The following DRC3 variants were observed in gnomAD, a reference collection of about 807,000 sequenced individuals.
The protein encoded by DRC3 is leucine rich repeat containing 48.
A neutral mutation model predicts 57.6 loss-of-function variants in DRC3; 45 were observed. The observed-to-expected ratio is 0.78, with a 90% CI of 0.62 to 1.00. The LOEUF is 1.00. Among genes scored for constraint, DRC3 ranks in the 50% least tolerant of loss-of-function variants. The probability of loss-of-function intolerance (pLI) is 0.00; values close to 1 mark genes in which losing one functional copy is unlikely to be tolerated. For missense variants in DRC3, 655 were observed against 675.2 expected (o/e 0.97, Z 0.33); for synonymous variants, 257 against 272.3 (o/e 0.94, Z 0.55).
At chr17:17,989,803 C>T (rs2043142021) in intron 5 of DRC3, among the ~76,000 whole-genome samples, 1 of 152,178 alleles carries the variant, frequency 6.6e-6, no homozygotes, top group Non-Finnish European at 1.5e-5. Flanking sequence ...GGCTTTTGGG[C>T]TGGGTGGGCT....
Position 18,016,142 on chromosome 17 carries a change from G to C in DRC3, c.1405G>C (p.Glu469Gln), listed in dbSNP as rs1367614474. 6.2e-7 allele frequency: 1 copy of C among 1,614,006 alleles called. No individual in the cohort carries two copies. Among genetic ancestry groups the C allele is most frequent in the Admixed American group, 1.7e-5 (1 of 60,020 alleles). The change falls in exon 13 of 14, where the codon GAA becomes CAA. Residue 469 changes from glutamate to glutamine, a missense_variant. Coordinates refer to ENST00000399187, the MANE Select transcript of DRC3 (RefSeq NM_031294.4). Reference protein sequence around the residue: ...DIHLLKIDNREDELVTRINSW... With the variant: ...DIHLLKIDNRQDELVTRINSW... ...CCACCTCCTGAAGATTGACAATCGAGAAGATGAGCTGGTGACCAGAATCAA... is the reference window on the plus strand; with the variant it reads ...CCACCTCCTGAAGATTGACAATCGACAAGATGAGCTGGTGACCAGAATCAA...
Position 17,977,775 on chromosome 17 carries a change from C to A in DRC3, c.160+17C>A. On this transcript the variant is annotated intron_variant, in intron 3 of 13. Transcript: ENST00000399187. ...ACTTTCGGAGTATGTATCCAAGGTT[C>A]AGGGGTGGTGGCCAGGGTGGGCCCT... 1 of 1,565,114 alleles carries A rather than the reference C, an allele frequency of 6.4e-7. No homozygotes were observed.
chr17:18,013,639 G>A (rs1309148568), intron 12 of DRC3, among the ~76,000 whole-genome samples: 1 of 152,206 alleles, frequency 6.6e-6, no homozygotes, highest in Admixed American at 6.5e-5. Context: ...AGACTGGGAA[G>A]GGTAGAGAGA....
At chr17:18,003,637 C>CTTTTT (rs758041562) in intron 9 of DRC3, among the ~76,000 whole-genome samples, 9 of 103,916 alleles carry the variant, frequency 8.7e-5, no homozygotes, top group East Asian at 2.8e-4. Flanking sequence ...TTTTAAGTAT[C>CTTTTT]TTTTTTTTTT....
At chr17:18,001,591 G>A (rs1318946860) in intron 9 of DRC3, among the ~76,000 whole-genome samples, 1 of 152,142 alleles carries the variant, frequency 6.6e-6, no homozygotes, top group Non-Finnish European at 1.5e-5. Flanking sequence ...CCCGGTTTGT[G>A]TTTTATCTTG....
chr17:17,978,892 T>G (rs1002355034), intron 3 of DRC3, among the ~76,000 whole-genome samples: 3 of 152,112 alleles, frequency 2.0e-5, no homozygotes, highest in Admixed American at 1.3e-4. Flanking sequence ...GGGATTCAAC[T>G]ATGAGCAAAA....
At chr17:18,007,926 C>A in intron 12 of DRC3, 2 of 896,902 alleles carry the variant, frequency 2.2e-6, no homozygotes, top group African/African-American at 1.8e-5. Flanking sequence ...TGTCCTCTTA[C>A]AGTCCGTCCT....
chr17:17,990,424 G>A (rs1038250432), intron 5 of DRC3, among the ~76,000 whole-genome samples: 30 of 152,290 alleles, frequency 2.0e-4, no homozygotes, highest in African/African-American at 6.5e-4. Context: ...CCCTCTCCCC[G>A]CATTCTGCAG....
rs575635806 is a variant in DRC3 at position 17,975,500 on chromosome 17, G to A, written c.-18+1538G>A. ...GCTGGGATTACAAGTGTGAGCCACC[G>A]CGCCTGACCTCCCCACCCCCCCCCC... On this transcript the variant is annotated intron_variant, in intron 2 of 13. Coordinates refer to ENST00000399187, the MANE Select transcript of DRC3 (RefSeq NM_031294.4). 5.3e-5 allele frequency among the ~76,000 whole-genome samples: 8 copies of A among 149,810 alleles called. No individual in the cohort carries two copies. The South Asian group carries it at 8.4e-4, about 16-fold the overall frequency.
intron 11 of DRC3, 90 bp downstream of exon 11, chr17:18,006,343 G>C: frequency 1.1e-6 from 1 of 918,908 alleles, no homozygotes. Flanking sequence ...TGTTCCACAG[G>C]GTCTGAGGAG....
chr17:18,005,757 TAC>T (rs2043926204), intron 10 of DRC3: 1 of 185,900 alleles, frequency 5.4e-6, no homozygotes, highest in East Asian at 1.3e-4. Context: ...TTCCCAGAGT[TAC>T]ACAGAGTGCT....
At chr17:17,988,453 A>ATACG in intron 5 of DRC3, 2 of 254,622 alleles carry the variant, frequency 7.9e-6, no homozygotes, top group Admixed American at 5.1e-5. Context: ...GTCCCTTTGG[A>ATACG]GTGACCAGCA....
intron 12 of DRC3, among the ~76,000 whole-genome samples, chr17:18,009,279 G>A (rs529419189): frequency 1.2e-4 from 19 of 152,268 alleles, no homozygotes; most frequent in African/African-American, 3.4e-4. Context: ...TAGGTGATGC[G>A]CACCTGGTGG....
At chr17:18,006,571 A>G in intron 11 of DRC3, 2 of 423,700 alleles carry the variant, frequency 4.7e-6, no homozygotes, top group Middle Eastern at 6.7e-4. Flanking sequence ...ATCAGGTGAA[A>G]TGTTAGGGTG....
At chr17:18,012,746 G>A (rs1413914710) in intron 12 of DRC3, among the ~76,000 whole-genome samples, 1 of 151,464 alleles carries the variant, frequency 6.6e-6, no homozygotes, top group Admixed American at 6.6e-5. Context: ...AATGCTTTAG[G>A]ACATTGGCCT....
intron 10 of DRC3, 140 bp downstream of exon 10, chr17:18,004,634 C>T (rs2043879101): frequency 8.3e-6 from 7 of 841,112 alleles, no homozygotes; most frequent in Admixed American, 2.8e-5. Flanking sequence ...CTTTCTTGCT[C>T]ATCAGTCCTG....
intron 5 of DRC3, among the ~76,000 whole-genome samples, chr17:17,991,800 C>G (rs1402756866): frequency 6.6e-6 from 1 of 152,086 alleles, no homozygotes; most frequent in African/African-American, 2.4e-5. Context: ...AGTTGGGTCC[C>G]ATTTAATTTA....
chr17:18,012,040 G>A (rs1449010312), intron 12 of DRC3, among the ~76,000 whole-genome samples: 1 of 152,162 alleles, frequency 6.6e-6, no homozygotes, highest in Non-Finnish European at 1.5e-5. Flanking sequence ...GGCCGGCCAG[G>A]CTGGTCTCAA....
intron 3 of DRC3, among the ~76,000 whole-genome samples, chr17:17,980,698 GA>G: frequency 6.7e-6 from 1 of 150,036 alleles, no homozygotes. Flanking sequence ...GGGTTCAAGT[GA>G]TTCTCTTGCC....
Sources: gnomAD v4.1 joint callset for allele counts (sites outside exome capture counted in the v4.1 genomes callset) on GRCh38, gnomAD v4.1.1 for gene constraint, MANE v1.5 for transcripts, NCBI Gene and HGNC (gene_info 2026-07-23, HGNC 2026-07-21) for gene names.